HTT: variants seen among roughly 807,000 people sequenced by gnomAD.
The protein encoded by HTT is huntington disease protein.
Under a neutral mutation model 362.3 loss-of-function variants are expected in HTT, and 104 were observed. The ratio of observed to expected loss-of-function variants is 0.29; its 90% confidence interval spans 0.24 to 0.34. HTT has a LOEUF of 0.34. Ranked by LOEUF, HTT falls within the 10% of genes least tolerant of loss-of-function variation. HTT has a pLI of 1.00. For synonymous variants in HTT, 1,577 were observed against 1,548.7 expected (o/e 1.02, Z -0.43); for missense variants, 3,301 against 3,928.6 (o/e 0.84, Z 4.27).
intron 35 of HTT, among the ~76,000 whole-genome samples, chr4:3,179,362 T>C (rs1718387831): frequency 6.6e-6 from 1 of 152,036 alleles, no homozygotes; most frequent in African/African-American, 2.4e-5. Flanking sequence ...GGACAGAAAA[T>C]CAGTAGGCAA....
chr4:3,119,877 A>G (rs1029414364), intron 8 of HTT, among the ~76,000 whole-genome samples: 1 of 152,208 alleles, frequency 6.6e-6, no homozygotes, highest in African/African-American at 2.4e-5. Context: ...TGTTTTGTGT[A>G]AGGGGCCAGA....
At position 3,140,278 on chromosome 4, in the gene HTT, A is replaced by C. The variant is rs574184772; in HGVS notation, c.2799-232A>C. On this transcript the variant is annotated intron_variant, in intron 21 of 66. Transcript: ENST00000355072. ...TCTGTCTCAAAAAAAAAAAAAAAAG[A>C]AAAAAAGAAAGTACAGCACCCAGTT... Among the ~76,000 whole-genome samples, 9 of 150,930 alleles carry C rather than the reference A, an allele frequency of 6.0e-5. 1 individual carries two copies. In the East Asian group the frequency reaches 1.8e-3, roughly 29 times the overall value.
chr4:3,208,652 C>T (rs1719983840), intron 45 of HTT, 121 bp from the exon 46 acceptor site: 1 of 886,876 alleles, frequency 1.1e-6, no homozygotes, highest in Non-Finnish European at 1.6e-6. Flanking sequence ...TTTAAGAAGC[C>T]ACTAATAGTG....
chr4:3,173,180 A>C (rs1718073107), intron 31 of HTT, 49 bp downstream of exon 31: 1 of 1,449,140 alleles, frequency 6.9e-7, no homozygotes, highest in Non-Finnish European at 9.7e-7. Context: ...ACGAAAGAGC[A>C]AGCAGGAAAT....
At chr4:3,187,988 T>C (rs1050365952) in intron 39 of HTT, 102 bp downstream of exon 39, 10 of 686,538 alleles carry the variant, frequency 1.5e-5, no homozygotes, top group Non-Finnish European at 2.2e-5. Flanking sequence ...CTTGCTTCAC[T>C]TCTGAGTTGG....
chr4:3,232,338 C>T (rs1042789353), intron 60 of HTT, among the ~76,000 whole-genome samples: 5 of 152,284 alleles, frequency 3.3e-5, no homozygotes, highest in Non-Finnish European at 5.9e-5. Context: ...AACAAGAGGC[C>T]GCCTGGCCAT....
intron 18 of HTT, among the ~76,000 whole-genome samples, chr4:3,133,156 A>G (rs1360767219): frequency 1.3e-5 from 2 of 152,102 alleles, no homozygotes; most frequent in African/African-American, 4.8e-5. Flanking sequence ...TTCCTAAAGG[A>G]TATATTTAGA....
chr4:3,120,916 G>A (rs536558948), intron 8 of HTT, among the ~76,000 whole-genome samples: 7 of 152,256 alleles, frequency 4.6e-5, no homozygotes, highest in South Asian at 2.1e-4. Context: ...TCTCCCCTCC[G>A]TGTATGCTGG....
At chr4:3,221,726 C>CTG (rs368401176) in intron 53 of HTT, among the ~76,000 whole-genome samples, 2 of 152,208 alleles carry the variant, frequency 1.3e-5, no homozygotes, top group African/African-American at 4.8e-5. Context: ...TCAGAAACAA[C>CTG]TGTTCGTTAG....
chr4:3,238,329 C>G (rs1721640112), intron 64 of HTT, 118 bp from the exon 65 acceptor site: 1 of 710,924 alleles, frequency 1.4e-6, no homozygotes, highest in African/African-American at 1.8e-5. Flanking sequence ...CCGAGGGTCC[C>G]TCCCAGCCCT....
In HTT at chr4:3,240,179, G is replaced by C; in HGVS notation, c.*120G>C. ...CCCTATGGGCTTCCGCACATGCCGC[G>C]GGCGGCCAGGCAACGTGCGTGTCTC... On this transcript the variant is annotated 3_prime_UTR_variant, in exon 67 of 67. Coordinates refer to ENST00000355072, the MANE Select transcript of HTT (RefSeq NM_001388492.1). 2.5e-6 allele frequency: 2 copies of C among 790,068 alleles called. No individual in the cohort carries two copies. Among genetic ancestry groups the C allele is most frequent in the Non-Finnish European group, 4.0e-6 (2 of 494,012 alleles). The allele number at this position is 790,068 out of a possible 1,614,324, so 48.9% of individuals were successfully genotyped here. A position where few individuals can be genotyped will look rare whatever the true frequency, so the allele number is the denominator to read the frequency against.
At chr4:3,144,009 A>T (rs1180555448) in intron 23 of HTT, among the ~76,000 whole-genome samples, 4 of 152,220 alleles carry the variant, frequency 2.6e-5, no homozygotes, top group African/African-American at 9.7e-5. Context: ...ATATAGTGTG[A>T]TGCTTTGGAG....
In HTT at chr4:3,240,348, G is replaced by A. The variant is rs1721751812; in HGVS notation, c.*289G>A. 2.1e-6 allele frequency: 1 copy of A among 465,152 alleles called. No homozygotes were observed. The highest frequency in any genetic ancestry group is 4.1e-5 in the East Asian group (1 of 24,604). 28.8% of individuals were successfully genotyped at this position (465,152 alleles called of 1,614,324 possible). On this transcript the variant is annotated 3_prime_UTR_variant, in exon 67 of 67. Coordinates refer to ENST00000355072, the MANE Select transcript of HTT (RefSeq NM_001388492.1). ...GGTGACCAGGTCCTTTCTCCTGATA[G>A]TCACCTGCTGGTTGTTGCCAGGTTG...
At chr4:3,102,295 G>A (rs756848891) in intron 3 of HTT, among the ~76,000 whole-genome samples, 4 of 152,242 alleles carry the variant, frequency 2.6e-5, no homozygotes, top group Non-Finnish European at 5.9e-5. Flanking sequence ...CCAGCGACTG[G>A]CGTAGATTGT....
chr4:3,149,841 A>G (rs1205406643), intron 26 of HTT, among the ~76,000 whole-genome samples: 3 of 152,168 alleles, frequency 2.0e-5, no homozygotes, highest in East Asian at 1.9e-4. Context: ...GACCCTGTCT[A>G]CTACTTCAGC....
chr4:3,104,733 C>G (rs564473062), intron 4 of HTT, among the ~76,000 whole-genome samples: 2 of 152,130 alleles, frequency 1.3e-5, no homozygotes, highest in African/African-American at 4.8e-5. Context: ...GGCAACATGG[C>G]AAAACGCTGT....
chr4:3,139,594 A>G (rs1716239848), intron 21 of HTT, among the ~76,000 whole-genome samples: 1 of 152,242 alleles, frequency 6.6e-6, no homozygotes, highest in Admixed American at 6.5e-5. Context: ...TTGCAGACCA[A>G]TATGATAAAA....
chr4:3,174,613 C>A, intron 31 of HTT, 108 bp from the exon 32 acceptor site: 1 of 818,254 alleles, frequency 1.2e-6, no homozygotes, highest in Non-Finnish European at 2.1e-6. Context: ...CTGACACGTT[C>A]TGATCGTGTG....
chr4:3,200,193 C>A (rs1047292919), intron 41 of HTT, among the ~76,000 whole-genome samples: 4 of 152,200 alleles, frequency 2.6e-5, no homozygotes, highest in Non-Finnish European at 4.4e-5. Context: ...TTCTTTGACA[C>A]CATTGCATCT....
Sources: gnomAD v4.1 joint callset for allele counts (sites outside exome capture counted in the v4.1 genomes callset) on GRCh38, gnomAD v4.1.1 for gene constraint, MANE v1.5 for transcripts, NCBI Gene and HGNC (gene_info 2026-07-23, HGNC 2026-07-21) for gene names.